The following PLCH1 variants were observed in gnomAD, a reference collection of about 807,000 sequenced individuals.
PLCH1 encodes the protein 1-phosphatidylinositol 4,5-bisphosphate phosphodiesterase eta-1.
A neutral mutation model predicts 126.7 loss-of-function variants in PLCH1; 60 were observed. The observed-to-expected ratio is 0.47, with a 90% CI of 0.38 to 0.59. PLCH1 has a LOEUF of 0.59. Among genes scored for constraint, PLCH1 ranks in the 20% least tolerant of loss-of-function variants. PLCH1 has a pLI of 0.00. For missense variants in PLCH1, 1,723 were observed against 2,040.0 expected (o/e 0.84, Z 2.99); for synonymous variants, 719 against 734.9 (o/e 0.98, Z 0.35).
intron 13 of PLCH1, among the ~76,000 whole-genome samples, chr3:155,501,549 T>C (rs952223766): frequency 6.6e-6 from 1 of 152,074 alleles, no homozygotes; most frequent in Admixed American, 6.5e-5. Flanking sequence ...TCCCAGCACT[T>C]TGGGGGGCTG....
At position 155,690,515 on chromosome 3, in the gene PLCH1, G is replaced by A. The variant is rs145644209; in HGVS notation, c.79+13631C>T. 4.9e-3 allele frequency among the ~76,000 whole-genome samples: 749 copies of A among 152,234 alleles called. 3 individuals carry two copies. The highest frequency in any genetic ancestry group is 7.8e-3 in the Non-Finnish European group (532 of 68,020). On this transcript the variant is annotated intron_variant, in intron 2 of 22. Transcript: ENST00000460012. ...AGATCAGGGTATTACGTATATCCTT[G>A]ACTATATCTTCATATGTTTTAGACA...
intron 2 of PLCH1, among the ~76,000 whole-genome samples, chr3:155,601,539 T>A: frequency 6.6e-6 from 1 of 152,228 alleles, no homozygotes; most frequent in Non-Finnish European, 1.5e-5. Flanking sequence ...TGGATATATA[T>A]ACACATATAT....
rs151196982 is a variant in PLCH1 at position 155,573,444 on chromosome 3, T to C, written c.772-5120A>G. Reference sequence around the variant, plus strand: ...AGTCAGACTGGGTTCAGTTGGATGGTTATTCTGCTGTTCTCATTTAGAGTT... The same window carrying C: ...AGTCAGACTGGGTTCAGTTGGATGGCTATTCTGCTGTTCTCATTTAGAGTT... On this transcript the variant is annotated intron_variant, in intron 6 of 22. Coordinates refer to ENST00000460012, the MANE Select transcript of PLCH1 (RefSeq NM_014996.4). Among the ~76,000 whole-genome samples the C allele has an allele frequency of 2.3e-3, 357 of 152,328 alleles. 2 individuals carry two copies. Among genetic ancestry groups the C allele is most frequent in the Admixed American group, 3.7e-3 (56 of 15,298 alleles).
chr3:155,631,193 G>A (rs9814666), intron 2 of PLCH1, among the ~76,000 whole-genome samples: 73,864 of 151,960 alleles, frequency 0.49, 20,339 homozygotes, highest in African/African-American at 0.74. Flanking sequence ...ACAGGACCAC[G>A]GCAGTAGACT....
In PLCH1 at chr3:155,536,363, T is replaced by C. The variant is rs150093064; in HGVS notation, c.1363-12359A>G. On this transcript the variant is annotated intron_variant, in intron 10 of 22. Transcript: ENST00000460012. Reference sequence around the variant, plus strand: ...CCAGCAAAAGCATTCAGAAGGTTGATAATTAAGCTACTCAAGGATGCACCA... The same window carrying C: ...CCAGCAAAAGCATTCAGAAGGTTGACAATTAAGCTACTCAAGGATGCACCA... 4.8e-3 allele frequency among the ~76,000 whole-genome samples: 731 copies of C among 152,260 alleles called. 2 individuals are homozygous for C. Among genetic ancestry groups the C allele is most frequent in the Non-Finnish European group, 7.7e-3 (523 of 68,022 alleles).
chr3:155,551,950 T>C (rs1726202977), intron 9 of PLCH1, among the ~76,000 whole-genome samples: 1 of 152,120 alleles, frequency 6.6e-6, no homozygotes. Context: ...ACTTCATACA[T>C]TGGGAAATAA....
intron 8 of PLCH1, 63 bp from the exon 9 acceptor site, chr3:155,554,259 A>G: frequency 6.6e-7 from 1 of 1,514,936 alleles, no homozygotes; most frequent in Non-Finnish European, 9.0e-7. Flanking sequence ...ATATTTCTGG[A>G]AATACCAGAC....
chr3:155,741,684 CTTTTTT>C (rs71624571), intron 1 of PLCH1, among the ~76,000 whole-genome samples: 107 of 102,854 alleles, frequency 1.0e-3, no homozygotes, highest in Admixed American at 1.5e-3. Flanking sequence ...TTTATATCCT[CTTTTTT>C]TTTTTTTTTT....
chr3:155,697,566 G>A (rs1304827786), intron 2 of PLCH1, among the ~76,000 whole-genome samples: 1 of 152,180 alleles, frequency 6.6e-6, no homozygotes, highest in Non-Finnish European at 1.5e-5. Flanking sequence ...TGTGAGAAGA[G>A]ACTGTCATCA....
At chr3:155,654,991 C>T (rs1314138383) in intron 2 of PLCH1, among the ~76,000 whole-genome samples, 1 of 152,158 alleles carries the variant, frequency 6.6e-6, no homozygotes, top group Non-Finnish European at 1.5e-5. Flanking sequence ...TTAAATACAC[C>T]ATTCCTGACC....
In PLCH1 at chr3:155,465,339, C is replaced by G. The variant is rs1712887470; in HGVS notation, c.2938+20017G>C. Among the ~76,000 whole-genome samples the G allele has an allele frequency of 2.6e-5, 4 of 151,988 alleles. No homozygotes were observed. The South Asian group carries it at 8.3e-4, about 32-fold the overall frequency. On this transcript the variant is annotated intron_variant, in intron 21 of 21. Coordinates refer to the PLCH1 transcript ENST00000494598. ...CACTCAGAGTCATGAGACCCCTGTT[C>G]CAAACACTAGCTTCCAGATGACATT...
intron 2 of PLCH1, among the ~76,000 whole-genome samples, chr3:155,608,563 C>A (rs1734652770): frequency 6.6e-6 from 1 of 152,132 alleles, no homozygotes; most frequent in South Asian, 2.1e-4. Context: ...TCACTAGCTT[C>A]ATGGAAGCTG....
intron 2 of PLCH1, among the ~76,000 whole-genome samples, chr3:155,686,138 G>A (rs1744921744): frequency 6.6e-6 from 1 of 152,152 alleles, no homozygotes; most frequent in Non-Finnish European, 1.5e-5. Context: ...ATGCATGCGT[G>A]TGTGTGTATA....
In PLCH1 at chr3:155,613,008, G is replaced by A. The variant is rs142521000; in HGVS notation, c.80-16630C>T. Reference sequence around the variant, plus strand: ...ACAGAAATACAAAAGATCATTCAAGGTTCCCATGAACAACTTAACACACAC... The same window carrying A: ...ACAGAAATACAAAAGATCATTCAAGATTCCCATGAACAACTTAACACACAC... On this transcript the variant is annotated intron_variant, in intron 2 of 22. Transcript: ENST00000460012. Among the ~76,000 whole-genome samples the A allele has an allele frequency of 4.2e-3, 638 of 151,486 alleles. 1 individual carries two copies. The highest frequency in any genetic ancestry group is 7.1e-3 in the Admixed American group (108 of 15,194).
Position 155,482,776 on chromosome 3 carries a change from G to A in PLCH1, c.3250C>T (p.Pro1084Ser). The A allele has an allele frequency of 6.2e-7, 1 of 1,614,154 alleles. No homozygotes were observed. Residue 1084 changes from proline (P) to serine (S), a missense_variant, in exon 23 of 23, where the codon CCC becomes TCC. Physicochemically the swap from Pro to Ser is moderately conservative, Grantham distance 74. Around this residue, in one of 2 missense-constraint regions of PLCH1, gnomAD observed 947 missense variants for 977.1 expected, o/e 0.97. Transcript: ENST00000460012. ...TGTGTGGGGTTAACTACAGGATCGG[G>A]AGCCAAATGCTGCTTTGGGGAGAGA... ...KSLSPKQHLA[P>S]DPVVNPTQDL...
At chr3:155,625,676 T>C (rs137858482) in intron 2 of PLCH1, among the ~76,000 whole-genome samples, 8,087 of 152,278 alleles carry the variant, frequency 0.053, 260 homozygotes, top group Middle Eastern at 0.1. Context: ...CACAATGGGA[T>C]ACCATCTCAT....
At chr3:155,468,405 A>C (rs1270094964) in intron 21 of PLCH1, among the ~76,000 whole-genome samples, 1 of 152,208 alleles carries the variant, frequency 6.6e-6, no homozygotes, top group Non-Finnish European at 1.5e-5. Context: ...AGTCCTAAAA[A>C]TGACATTGAA....
intron 2 of PLCH1, among the ~76,000 whole-genome samples, chr3:155,664,186 G>C (rs907789757): frequency 2.0e-5 from 3 of 152,154 alleles, no homozygotes; most frequent in Non-Finnish European, 4.4e-5. Context: ...CTGAACTCAG[G>C]GTGCCTGATT....
chr3:155,718,919 C>T (rs538628934), intron 1 of PLCH1, among the ~76,000 whole-genome samples: 1 of 152,182 alleles, frequency 6.6e-6, no homozygotes, highest in South Asian at 2.1e-4. Context: ...TATCATTGTT[C>T]TCTCAATTTT....
Sources: allele counts gnomAD v4.1 joint callset (sites outside exome capture counted in the v4.1 genomes callset), GRCh38; gene constraint gnomAD v4.1.1; regional missense constraint gnomAD v4.1.1; transcripts MANE v1.5; gene names NCBI Gene and HGNC (gene_info 2026-07-23, HGNC 2026-07-21).